Variants in CCBE1 observed in about 807,000 individuals in gnomAD.
CCBE1 encodes the protein collagen and calcium-binding EGF domain-containing protein 1.
Under a neutral mutation model 50.0 loss-of-function variants are expected in CCBE1, and 37 were observed. The observed-to-expected ratio is 0.74, with a 90% CI of 0.57 to 0.97. The LOEUF is 0.97. CCBE1 is among the 50% of genes least tolerant of loss of function. The probability of loss-of-function intolerance (pLI) is 0.00; values close to 1 mark genes in which losing one functional copy is unlikely to be tolerated. For synonymous variants in CCBE1, 234 were observed against 203.7 expected, an observed-to-expected ratio of 1.15 and a Z score of -1.27; for missense variants, 538 against 523.8, an observed-to-expected ratio of 1.03 and a Z score of -0.26.
At chr18:59,512,311 C>G (rs1268064663) in intron 2 of CCBE1, among the ~76,000 whole-genome samples, 2 of 152,210 alleles carry the variant, frequency 1.3e-5, no homozygotes, top group Non-Finnish European at 2.9e-5. Flanking sequence ...AGCACATGCC[C>G]ACTGGGGCTT....
At chr18:59,437,344 C>T (rs1910204705) in intron 10 of CCBE1, among the ~76,000 whole-genome samples, 1 of 152,186 alleles carries the variant, frequency 6.6e-6, no homozygotes, top group African/African-American at 2.4e-5. Context: ...AAGAGAGGCA[C>T]AGTATTTTCA....
chr18:59,604,695 A>T (rs2053474157), intron 2 of CCBE1, among the ~76,000 whole-genome samples: 1 of 152,254 alleles, frequency 6.6e-6, no homozygotes, highest in Admixed American at 6.5e-5. Context: ...CATTTGTTTC[A>T]ATGTCCAATT....
intron 3 of CCBE1, among the ~76,000 whole-genome samples, chr18:59,472,267 T>C (rs1248214075): frequency 6.6e-6 from 1 of 152,234 alleles, no homozygotes; most frequent in East Asian, 1.9e-4. Flanking sequence ...TTCCCTAGCC[T>C]AGAGGCGGTA....
At chr18:59,547,530 G>A (rs1286720137) in intron 2 of CCBE1, among the ~76,000 whole-genome samples, 1 of 152,108 alleles carries the variant, frequency 6.6e-6, no homozygotes, top group Admixed American at 6.5e-5. Context: ...CAAGAACAGA[G>A]CAATTTAAAT....
chr18:59,646,589 T>C (rs1374466347), intron 2 of CCBE1, among the ~76,000 whole-genome samples: 2 of 152,184 alleles, frequency 1.3e-5, no homozygotes, highest in Non-Finnish European at 1.5e-5. Flanking sequence ...CCCTGCGAGA[T>C]TAAACACAGA....
intron 7 of CCBE1, among the ~76,000 whole-genome samples, chr18:59,446,215 G>A (rs1038328167): frequency 6.6e-6 from 1 of 152,206 alleles, no homozygotes; most frequent in African/African-American, 2.4e-5. Context: ...CAAGCCAGAT[G>A]GCAGCATTGG....
chr18:59,438,115 G>A lies in CCBE1; in HGVS notation c.983C>T (p.Ser328Phe), dbSNP rs1910242878. The stretch of plus-strand genomic sequence containing the variant: ...AGGACACAGAGTGCTACTTACTGGA[G>A]ACCCTCTGGGCCCAGGCGCTCCTCT... ...GERGAPGPRG[S>F]PGPPGSFDFL... The change falls in exon 10 of 11, where the codon TCT becomes TTT. Residue 328 changes from serine to phenylalanine, a missense_variant. Physicochemically the swap from Ser to Phe is radical, Grantham distance 155 (BLOSUM62 -2). Coordinates refer to ENST00000439986, the MANE Select transcript of CCBE1 (RefSeq NM_133459.4). 1.2e-6 allele frequency: 2 copies of A among 1,613,968 alleles called. No individual in the cohort carries two copies. Among genetic ancestry groups the A allele is most frequent in the African/African-American group, 2.7e-5 (2 of 74,892 alleles).
chr18:59,616,119 A>C (rs769065016), intron 2 of CCBE1, among the ~76,000 whole-genome samples: 28 of 152,128 alleles, frequency 1.8e-4, no homozygotes, highest in Non-Finnish European at 3.1e-4. Context: ...TCTGGGTTAG[A>C]GGGAAATGGG....
Position 59,658,354 on chromosome 18 carries a change from AATATATATATATATATATATATATAT to A in CCBE1, c.212+38249_212+38274del, listed in dbSNP as rs71177048. On this transcript the variant is annotated intron_variant, in intron 2 of 10. Transcript: ENST00000439986. ...AAAAAAAAAAAAAAAAAAAAAAAAAAATATATATATATATATATATATATATATATATATATATATATATATATATA... is the reference window on the plus strand; with the variant it reads ...AAAAAAAAAAAAAAAAAAAAAAAAAAATATATATATATATATATATATATA... Among the ~76,000 whole-genome samples, 61 of 11,278 alleles carry A rather than the reference AATATATATATATATATATATATATAT, an allele frequency of 5.4e-3. 4 individuals carry two copies. The highest frequency in any genetic ancestry group is 0.011 in the African/African-American group (27 of 2,504). 7.4% of individuals were successfully genotyped at this position (11,278 alleles called of 152,430 possible). A position where few individuals can be genotyped will look rare whatever the true frequency, so the allele number is the denominator to read the frequency against.
At chr18:59,449,460 A>G (rs1176922882) in intron 6 of CCBE1, among the ~76,000 whole-genome samples, 1 of 152,074 alleles carries the variant, frequency 6.6e-6, no homozygotes, top group Non-Finnish European at 1.5e-5. Context: ...TATCTCCACT[A>G]AAAATACAAA....
intron 2 of CCBE1, among the ~76,000 whole-genome samples, chr18:59,547,809 T>C (rs551329396): frequency 1.3e-5 from 2 of 152,218 alleles, no homozygotes; most frequent in South Asian, 2.1e-4. Context: ...AGAAGCAGAG[T>C]GCTGGGGCAC....
At chr18:59,465,066 C>A (rs998917915) in intron 5 of CCBE1, 4 of 152,242 alleles carry the variant, frequency 2.6e-5, no homozygotes, top group African/African-American at 9.6e-5. Flanking sequence ...TGGCACCAGC[C>A]TCAGGCCCTC....
At chr18:59,640,759 C>T (rs928956198) in intron 2 of CCBE1, among the ~76,000 whole-genome samples, 1 of 152,088 alleles carries the variant, frequency 6.6e-6, no homozygotes, top group Non-Finnish European at 1.5e-5. Context: ...GTCTAATATC[C>T]AGAATCTATA....
At chr18:59,692,864 C>T (rs771470700) in intron 2 of CCBE1, among the ~76,000 whole-genome samples, 1 of 139,894 alleles carries the variant, frequency 7.1e-6, no homozygotes, top group East Asian at 2.1e-4. Context: ...TTAGCCTCCA[C>T]GTGGAGTTCC....
In CCBE1 at chr18:59,650,476, G is replaced by C. The variant is rs544386212; in HGVS notation, c.212+46153C>G. ...CTCCCAACGTGACTGGGTTCAGAAA[G>C]TCTGGCGCGTTAAAAGGTACCTAAT... On this transcript the variant is annotated intron_variant, in intron 2 of 10. Transcript: ENST00000439986. 2.0e-5 allele frequency among the ~76,000 whole-genome samples: 3 copies of C among 151,748 alleles called. No homozygotes were observed. The South Asian group carries it at 6.2e-4, about 32-fold the overall frequency.
chr18:59,478,183 T>C (rs1355573724), intron 3 of CCBE1, among the ~76,000 whole-genome samples: 4 of 152,128 alleles, frequency 2.6e-5, no homozygotes, highest in East Asian at 1.9e-4. Context: ...CTGCCTACAA[T>C]GAAGATTTTG....
At chr18:59,534,367 T>C (rs991888399) in intron 2 of CCBE1, among the ~76,000 whole-genome samples, 1 of 152,220 alleles carries the variant, frequency 6.6e-6, no homozygotes, top group Non-Finnish European at 1.5e-5. Flanking sequence ...TTAAAACACA[T>C]GCTGACTTTA....
rs531093977 is a variant in CCBE1 at position 59,696,850 on chromosome 18, T to C, written c.132-141A>G. 58 of 932,636 alleles carry C rather than the reference T, an allele frequency of 6.2e-5. No individual in the cohort carries two copies. The South Asian group carries it at 7.3e-4, about 12-fold the overall frequency. 57.8% of individuals were successfully genotyped at this position (932,636 alleles called of 1,614,324 possible). ...GGGCAGGGGCTGGTCCCCAAACGCG[T>C]ACGCGGGGCAGACTCCGGCCACAGG... is the stretch of plus-strand genomic sequence containing the variant. On this transcript the variant is annotated intron_variant, in intron 1 of 10. Coordinates refer to ENST00000439986, the MANE Select transcript of CCBE1 (RefSeq NM_133459.4).
At chr18:59,471,721 T>C (rs1462516295) in intron 3 of CCBE1, among the ~76,000 whole-genome samples, 1 of 152,200 alleles carries the variant, frequency 6.6e-6, no homozygotes, top group East Asian at 1.9e-4. Flanking sequence ...AGCCTCTTCA[T>C]TTCTGACAGT....
Sources: allele counts gnomAD v4.1 joint callset (sites outside exome capture counted in the v4.1 genomes callset), GRCh38; gene constraint gnomAD v4.1.1; transcripts MANE v1.5; gene names NCBI Gene and HGNC (gene_info 2026-07-23, HGNC 2026-07-21).